The following CUBN variants were observed in gnomAD, a reference collection of about 807,000 sequenced individuals.
CUBN encodes 460 kDa receptor.
In CUBN, 282 loss-of-function variants were observed where a neutral mutation model predicts 405.3. The ratio of observed to expected loss-of-function variants is 0.70; its 90% CI spans 0.63 to 0.77. The LOEUF (loss-of-function observed/expected upper bound fraction) is 0.77. Among genes scored for constraint, CUBN ranks in the 30% least tolerant of loss-of-function variants. The pLI is 0.00. For synonymous variants in CUBN, 1,684 were observed against 1,617.0 expected, an observed-to-expected ratio of 1.04 and a Z score of -0.99; for missense variants, 4,514 against 4,475.2, an observed-to-expected ratio of 1.01 and a Z score of -0.25.
intron 6 of CUBN, among the ~76,000 whole-genome samples, chr10:17,118,285 A>G (rs748961296): frequency 3.3e-5 from 5 of 152,220 alleles, no homozygotes; most frequent in Non-Finnish European, 7.3e-5. Flanking sequence ...TTTACAGACT[A>G]ACATTTCCCA....
intron 58 of CUBN, among the ~76,000 whole-genome samples, chr10:16,874,076 G>T (rs1056022675): frequency 1.9e-4 from 29 of 152,312 alleles, no homozygotes; most frequent in African/African-American, 6.7e-4. Context: ...TTGATTTCAA[G>T]ATGGGCTTAT....
intron 4 of CUBN, among the ~76,000 whole-genome samples, chr10:17,125,304 C>T (rs148954935): frequency 4.6e-5 from 7 of 152,078 alleles, no homozygotes; most frequent in East Asian, 1.9e-4. Flanking sequence ...AAAAAAATTA[C>T]GTCTGTTTCC....
intron 13 of CUBN, among the ~76,000 whole-genome samples, chr10:17,100,637 C>A (rs533782806): frequency 6.6e-6 from 1 of 152,214 alleles, no homozygotes; most frequent in Admixed American, 6.5e-5. Context: ...AGAATGTACA[C>A]CCTAATTCCC....
intron 10 of CUBN, among the ~76,000 whole-genome samples, chr10:17,106,215 G>A (rs1588645953): frequency 6.6e-6 from 1 of 152,084 alleles, no homozygotes; most frequent in African/African-American, 2.4e-5. Context: ...AACCCAGGAG[G>A]CAGAGGTTGT....
At chr10:17,029,399 C>A (rs531789969) in intron 27 of CUBN, among the ~76,000 whole-genome samples, 20 of 152,298 alleles carry the variant, frequency 1.3e-4, no homozygotes, top group Admixed American at 2.6e-4. Context: ...AATCTTAAAA[C>A]CAAAATTTCT....
rs756771628 is a variant in CUBN, at chr10:17,071,453, A to G, written c.2598T>C (p.Ser866=). 1.9e-6 allele frequency: 3 copies of G among 1,614,050 alleles called. No individual in the cohort carries two copies. In the South Asian group the frequency reaches 3.3e-5, roughly 18 times the overall value. Residue 866 remains serine (S), a synonymous_variant, in exon 19 of 67, where the codon TCT becomes TCC. Coordinates refer to ENST00000377833, the MANE Select transcript of CUBN (RefSeq NM_001081.4). ...CAACATAATCTGTTTCACAGTGGGC[A>G]GAACTTCCAATTTCAAAGACAGTGA... ...LNFTVFEIGS[S]AHCETDYVEI...
chr10:16,872,895 A>C (rs912534012), intron 58 of CUBN, among the ~76,000 whole-genome samples: 1 of 152,130 alleles, frequency 6.6e-6, no homozygotes, highest in Non-Finnish European at 1.5e-5. Context: ...TTTTCCTACA[A>C]ATAGTCCAGG....
At chr10:17,106,286 A>G (rs374141473) in intron 10 of CUBN, among the ~76,000 whole-genome samples, 1 of 150,512 alleles carries the variant, frequency 6.6e-6, no homozygotes, top group Non-Finnish European at 1.5e-5. Flanking sequence ...CTCCATTTCC[A>G]AGAAAAAATT....
At chr10:17,083,612 T>TTTCCTCTG (rs1271462178) in intron 17 of CUBN, among the ~76,000 whole-genome samples, 2 of 152,180 alleles carry the variant, frequency 1.3e-5, no homozygotes. Context: ...TAAAGTTCTG[T>TTTCCTCTG]TTCCTCTGTC....
intron 50 of CUBN, among the ~76,000 whole-genome samples, chr10:16,904,741 AACT>A (rs1218540898): frequency 1.3e-5 from 2 of 152,246 alleles, no homozygotes; most frequent in African/African-American, 4.8e-5. Context: ...ATAGTATTTT[AACT>A]GCCTCTAAAC....
chr10:16,912,825 G>A (rs1841770828), intron 48 of CUBN, among the ~76,000 whole-genome samples: 1 of 152,166 alleles, frequency 6.6e-6, no homozygotes, highest in Non-Finnish European at 1.5e-5. Flanking sequence ...TGCAATTTGG[G>A]ATTTTCCTCT....
Position 17,104,618 on chromosome 10 carries a change from A to G in CUBN, c.1231-13T>C. The stretch of plus-strand genomic sequence containing the variant: ...CAGAGACAGTGTCCTAAGGGGAAAA[A>G]AAACACATAATACCATAAAACAAAT... On this transcript the variant is annotated splice_polypyrimidine_tract_variant and intron_variant, in intron 11 of 66. Transcript: ENST00000377833. The G allele has an allele frequency of 6.2e-7, 1 of 1,605,880 alleles. No homozygotes were observed. Among genetic ancestry groups the G allele is most frequent in the South Asian group, 1.1e-5 (1 of 90,226 alleles).
intron 35 of CUBN, 72 bp downstream of exon 35, chr10:16,948,406 T>C (rs1354800137): frequency 1.2e-6 from 2 of 1,604,564 alleles, no homozygotes; most frequent in East Asian, 4.5e-5. Context: ...AAGGTCAGAG[T>C]CCCCAATAAC....
intron 38 of CUBN, among the ~76,000 whole-genome samples, chr10:16,938,704 T>C (rs943368339): frequency 2.6e-5 from 4 of 152,150 alleles, no homozygotes; most frequent in African/African-American, 9.7e-5. Flanking sequence ...ATTTAGGACA[T>C]ACATGCATGC....
At chr10:17,043,574 T>C (rs1233622578) in intron 26 of CUBN, among the ~76,000 whole-genome samples, 4 of 152,226 alleles carry the variant, frequency 2.6e-5, no homozygotes, top group African/African-American at 7.2e-5. Context: ...GTTTTAGTTA[T>C]ATGAGATTAA....
intron 17 of CUBN, among the ~76,000 whole-genome samples, chr10:17,075,073 C>CTTTTTTTTTTTTTTTTT (rs957929670): frequency 1.5e-5 from 1 of 65,320 alleles, no homozygotes; most frequent in Non-Finnish European, 2.9e-5. Context: ...TCTTTGTTTT[C>CTTTTTTTTTTTTTTTTT]TTTTTTTTTT....
At chr10:16,919,529 G>A (rs1197575053) in intron 44 of CUBN, among the ~76,000 whole-genome samples, 1 of 152,156 alleles carries the variant, frequency 6.6e-6, no homozygotes. Flanking sequence ...AAATTATACT[G>A]TGCATGCTTT....
intron 28 of CUBN, among the ~76,000 whole-genome samples, chr10:17,017,930 T>C (rs987944497): frequency 1.3e-5 from 2 of 152,128 alleles, no homozygotes; most frequent in African/African-American, 4.8e-5. Context: ...CAAGTCTTGC[T>C]TGGGTGACAT....
intron 6 of CUBN, among the ~76,000 whole-genome samples, chr10:17,120,472 C>CA (rs1311817195): frequency 6.6e-6 from 1 of 152,200 alleles, no homozygotes; most frequent in African/African-American, 2.4e-5. Flanking sequence ...GTCTAGGAAT[C>CA]AAGATCATTT....
Sources: allele counts gnomAD v4.1 joint callset (sites outside exome capture counted in the v4.1 genomes callset), GRCh38; gene constraint gnomAD v4.1.1; transcripts MANE v1.5; gene names NCBI Gene and HGNC (gene_info 2026-07-23, HGNC 2026-07-21).